Variants in PUSL1 observed in about 807,000 individuals in gnomAD.
The protein encoded by PUSL1 is pseudouridine synthase like 1, also known as tRNA pseudouridine synthase-like 1.
PUSL1 carries 51 observed loss-of-function variants against 30.7 expected under a neutral mutation model. The ratio of observed to expected loss-of-function variants is 1.66; its 90% CI spans 1.33 to 2.10. The LOEUF is 2.10. Among genes scored for constraint, PUSL1 ranks in the 30% most tolerant of loss-of-function variants. PUSL1 has a pLI of 0.00. For synonymous variants in PUSL1, 290 were observed against 192.1 expected, an observed-to-expected ratio of 1.51 and a Z score of -4.21; for missense variants, 609 against 427.6, an observed-to-expected ratio of 1.42 and a Z score of -3.74.
chr1:1,309,328 G>A (rs1641957214), intron 3 of PUSL1, 55 bp downstream of exon 3: 7 of 1,447,110 alleles, frequency 4.8e-6, no homozygotes, highest in Middle Eastern at 2.0e-4. Flanking sequence ...TCCATCTGTC[G>A]CGGGCGGAGG....
chr1:1,309,840 C>A lies in PUSL1; in HGVS notation c.633C>A (p.Pro211=), dbSNP rs562137028. The A allele has an allele frequency of 1.3e-6, 2 of 1,524,782 alleles. No individual in the cohort carries two copies. The highest frequency in any genetic ancestry group is 4.1e-5 in the Admixed American group (2 of 48,640). 94.5% of individuals were successfully genotyped at this position (1,524,782 alleles called of 1,614,324 possible). ...SPGQASPLVT[P]EESRKLRFWN... The stretch of plus-strand genomic sequence containing the variant: ...GCCAAGCCAGCCCCTTGGTCACCCC[C>A]GAGGAGAGCAGGTGAGGAAGGGCCC... The change falls in exon 5 of 8, where the codon CCC becomes CCA. Residue 211 remains proline (P), a synonymous_variant. Transcript: ENST00000379031.
intron 5 of PUSL1, chr1:1,310,169 C>G (rs1213337275): frequency 9.8e-6 from 4 of 406,584 alleles, no homozygotes; most frequent in Non-Finnish European, 4.4e-6. Flanking sequence ...CTGCTGCCCC[C>G]AGCACTGTCC....
chr1:1,311,370 C>T lies in PUSL1; in HGVS notation c.903C>T (p.Ser301=), dbSNP rs1642141843. The T allele has an allele frequency of 2.5e-6, 4 of 1,598,186 alleles. No homozygotes were observed. Among genetic ancestry groups the T allele is most frequent in the Admixed American group, 1.7e-5 (1 of 59,098 alleles). ...SCTLQGPQFG[S]HG ...CCCTGCAGGGGCCACAGTTCGGGAGCCACGGATGACCCTGGACACTCAAGC... is the reference window on the plus strand; with the variant it reads ...CCCTGCAGGGGCCACAGTTCGGGAGTCACGGATGACCCTGGACACTCAAGC... The change falls in exon 8 of 8, where the codon AGC becomes AGT. Residue 301 remains serine, a synonymous_variant. Transcript: ENST00000379031.
intron 2 of PUSL1, 26 bp downstream of exon 2, chr1:1,308,998 C>G (rs1641928842): frequency 7.2e-7 from 1 of 1,395,290 alleles, no homozygotes; most frequent in Non-Finnish European, 9.3e-7. Context: ...CACGGGACGC[C>G]CGGTGAGGGG....
At chr1:1,311,167 A>C in intron 7 of PUSL1, 96 bp downstream of exon 7, 1 of 1,485,440 alleles carries the variant, frequency 6.7e-7, no homozygotes, top group East Asian at 2.3e-5. Context: ...GACGGCAGCA[A>C]CTGGGGGTGA....
intron 6 of PUSL1, 67 bp downstream of exon 6, chr1:1,310,755 T>TGGCTCTGGGTCGTGGGC (rs758454092): frequency 1.9e-6 from 3 of 1,601,704 alleles, no homozygotes; most frequent in East Asian, 2.2e-5. Flanking sequence ...TGTGCAGTCT[T>TGGCTCTGGGTCGTGGGC]GGCTCTGGGT....
At chr1:1,309,405 C>T (rs761544144) in intron 3 of PUSL1, 49 bp from the exon 4 acceptor site, 4 of 1,533,832 alleles carry the variant, frequency 2.6e-6, no homozygotes, top group Admixed American at 1.9e-5. Flanking sequence ...AATGTGACAC[C>T]GCGGGCGGGC....
chr1:1,309,769 G>C lies in PUSL1; in HGVS notation c.562G>C (p.Val188Leu). The change falls in exon 5 of 8, where the codon GTG becomes CTG. Residue 188 changes from valine (V) to leucine (L), a missense_variant. Transcript: ENST00000379031. ...CGCCTTCCAGTCCGCTGGCAGCCCG[G>C]TGCCGAGCCCCGTGCGAACGCTGCG... ...FSAFQSAGSP[V>L]PSPVRTLRRV... The C allele has an allele frequency of 6.4e-7, 1 of 1,574,648 alleles. No individual in the cohort carries two copies. The highest frequency in any genetic ancestry group is 2.3e-5 in the East Asian group (1 of 42,558).
In PUSL1 at chr1:1,309,198, G is replaced by C. The variant is rs1235180787; in HGVS notation, c.248G>C (p.Arg83Pro). Reference sequence around the variant, plus strand: ...GCGGCGCACCTGGACGTCCAGCGCCGCTCAGGCCGGCCGCCCTTCCCGCCC... The same window carrying C: ...GCGGCGCACCTGGACGTCCAGCGCCCCTCAGGCCGGCCGCCCTTCCCGCCC... Reference protein sequence around the residue: ...SNAAHLDVQRRSGRPPFPPEV... With the variant: ...SNAAHLDVQRPSGRPPFPPEV... The change falls in exon 3 of 8, where the codon CGC becomes CCC. Residue 83 changes from arginine to proline, a missense_variant. Coordinates refer to ENST00000379031, the MANE Select transcript of PUSL1 (RefSeq NM_153339.3). 6.5e-7 allele frequency: 1 copy of C among 1,530,420 alleles called. No individual in the cohort carries two copies. Among genetic ancestry groups the C allele is most frequent in the African/African-American group, 1.4e-5 (1 of 72,604 alleles). The allele number at this position is 1,530,420 out of a possible 1,614,324, so 94.8% of individuals were successfully genotyped here.
Position 1,310,873 on chromosome 1 carries a change from GGGCGGCTCTGGGTCACA to G in PUSL1, c.700-33_700-17del. 1.2e-6 allele frequency: 2 copies of G among 1,605,490 alleles called. No homozygotes were observed. The highest frequency in any genetic ancestry group is 8.5e-7 in the Non-Finnish European group (1 of 1,175,608). Reference sequence around the variant, plus strand: ...GATGACGGCTGTGCTGGTGGGTCACGGGCGGCTCTGGGTCACAGGTGGCTCTGGGTCACAGGTACGGA... The same window carrying G: ...GATGACGGCTGTGCTGGTGGGTCACGGGTGGCTCTGGGTCACAGGTACGGA... On this transcript the variant is annotated intron_variant, in intron 6 of 7. Coordinates refer to ENST00000379031, the MANE Select transcript of PUSL1 (RefSeq NM_153339.3).
At position 1,309,441 on chromosome 1, in the gene PUSL1, C is replaced by T. The variant is rs762939362; in HGVS notation, c.324-13C>T. The T allele has an allele frequency of 8.2e-6, 13 of 1,587,564 alleles. No individual in the cohort carries two copies. The highest frequency in any genetic ancestry group is 2.0e-4 in the Middle Eastern group (1 of 5,012). ...GGGGTCGTTCCTCCGGTGAGCTTTA[C>T]CTGCCGCCATAGGGTCCTGCGGGCC... On this transcript the variant is annotated splice_polypyrimidine_tract_variant and intron_variant, in intron 3 of 7. Transcript: ENST00000379031.
chr1:1,309,886 C>T (rs1416270869), intron 5 of PUSL1, 35 bp downstream of exon 5: 3 of 1,438,020 alleles, frequency 2.1e-6, no homozygotes, highest in Non-Finnish European at 9.3e-7. Flanking sequence ...GCCCTGCCCT[C>T]AAGTCACGTG....
rs757927920 is a variant in PUSL1 at position 1,311,061 on chromosome 1, C to A, written c.852C>A (p.Tyr284Ter). Residue 284 changes from tyrosine (Y) to a stop codon, truncating the protein, a stop_gained, in exon 7 of 8, where the codon TAC (tyrosine) becomes TAA (stop). Transcript: ENST00000379031. LOFTEE classifies it low-confidence loss of function (END_TRUNC). ...GCTTATTCCTCAAGTCAGTGCTGTACGGGAACCTCGGTAAGAAAAACAGGC... is the reference window on the plus strand; with the variant it reads ...GCTTATTCCTCAAGTCAGTGCTGTAAGGGAACCTCGGTAAGAAAAACAGGC... Reference protein sequence around the residue: ...AHGLFLKSVLYGNLGAASCTL... With the variant: ...AHGLFLKSVL The A allele has an allele frequency of 6.3e-7, 1 of 1,598,988 alleles. No individual in the cohort carries two copies. The highest frequency in any genetic ancestry group is 8.6e-7 in the Non-Finnish European group (1 of 1,169,296).
Position 1,309,261 on chromosome 1 carries a change from A to C in PUSL1, c.311A>C (p.His104Pro). 1 of 1,485,954 alleles carries C rather than the reference A, an allele frequency of 6.7e-7. No homozygotes were observed. Among genetic ancestry groups the C allele is most frequent in the East Asian group, 2.4e-5 (1 of 41,916 alleles). 92.0% of individuals were successfully genotyped at this position (1,485,954 alleles called of 1,614,324 possible). A position where few individuals can be genotyped will look rare whatever the true frequency, so the allele number is the denominator to read the frequency against. ...GAGGCCCTCAACACACACCTGCGGC[A>C]CCCGGCCATCAGGTGAGCCCGCGAC... is the stretch of plus-strand genomic sequence containing the variant. ...LAEALNTHLR[H>P]PAIRVLRAFR... Residue 104 changes from histidine to proline, a missense_variant, in exon 3 of 8, where the codon CAC becomes CCC. By Grantham distance (77) the His-to-Pro change is moderately conservative. Coordinates refer to ENST00000379031, the MANE Select transcript of PUSL1 (RefSeq NM_153339.3).
At position 1,311,011 on chromosome 1, in the gene PUSL1, C is replaced by T; in HGVS notation, c.802C>T (p.Gln268Ter). 2 of 1,612,838 alleles carry T rather than the reference C, an allele frequency of 1.2e-6. No homozygotes were observed. Among genetic ancestry groups the T allele is most frequent in the South Asian group, 1.1e-5 (1 of 91,078 alleles). Reference protein sequence around the residue: ...LESQDPLGKHQTRVAPAHGLF... With the variant: ...LESQDPLGKH ...GAGCCAAGATCCCCTGGGCAAGCAC[C>T]AGACACGTGTAGCCCCAGCCCACGG... is the stretch of plus-strand genomic sequence containing the variant. Residue 268 changes from glutamine (Q) to a stop codon, truncating the protein, a stop_gained, in exon 7 of 8, where the codon CAG becomes TAG. Transcript: ENST00000379031. LOFTEE classifies it high-confidence loss of function.
At position 1,309,078 on chromosome 1, in the gene PUSL1, T is replaced by C. The variant is rs1641935959; in HGVS notation, c.136-8T>C. On this transcript the variant is annotated splice_region_variant and splice_polypyrimidine_tract_variant and intron_variant, in intron 2 of 7. Coordinates refer to ENST00000379031, the MANE Select transcript of PUSL1 (RefSeq NM_153339.3). Reference sequence around the variant, plus strand: ...CTCACCCGCCCGCCCCGCGGCTCGGTCCTGCAGGAGGCCGCCGAGCGGCTG... The same window carrying C: ...CTCACCCGCCCGCCCCGCGGCTCGGCCCTGCAGGAGGCCGCCGAGCGGCTG... 1 of 1,472,732 alleles carries C rather than the reference T, an allele frequency of 6.8e-7. No homozygotes were observed. Among genetic ancestry groups the C allele is most frequent in the Non-Finnish European group, 8.9e-7 (1 of 1,121,402 alleles). The allele number at this position is 1,472,732 out of a possible 1,614,324, so 91.2% of individuals were successfully genotyped here.
chr1:1,310,112 C>T (rs917722243), intron 5 of PUSL1: 17 of 506,138 alleles, frequency 3.4e-5, no homozygotes, highest in African/African-American at 3.3e-4. Flanking sequence ...ATGTTGGCAG[C>T]TACTGGAAAG....
chr1:1,309,547 C>A lies in PUSL1; in HGVS notation c.417C>A (p.His139Gln). The change falls in exon 4 of 8, where the codon CAC (histidine) becomes CAA (glutamine). Residue 139 changes from histidine (H) to glutamine (Q), a missense_variant. Coordinates refer to ENST00000379031, the MANE Select transcript of PUSL1 (RefSeq NM_153339.3). ...TYLYRLATGCHRRDELPVFER... is the reference protein window; with the variant it reads ...TYLYRLATGCQRRDELPVFER... ...TGTACCGCCTGGCCACTGGCTGTCACCGGCGTGATGAGCTGCCGGTGTTTG... is the reference window on the plus strand; with the variant it reads ...TGTACCGCCTGGCCACTGGCTGTCAACGGCGTGATGAGCTGCCGGTGTTTG... 1 of 1,611,372 alleles carries A rather than the reference C, an allele frequency of 6.2e-7. No homozygotes were observed. Among genetic ancestry groups the A allele is most frequent in the Non-Finnish European group, 8.5e-7 (1 of 1,179,554 alleles).
rs746305517 is a variant in PUSL1, at chr1:1,309,209, C to G, written c.259C>G (p.Pro87Ala). ...GGACGTCCAGCGCCGCTCAGGCCGG[C>G]CGCCCTTCCCGCCCGAGGTCCTGGC... ...HLDVQRRSGR[P>A]PFPPEVLAEA... Residue 87 changes from proline (P) to alanine (A), a missense_variant, in exon 3 of 8, where the codon CCG becomes GCG. Physicochemically the swap from Pro to Ala is conservative, Grantham distance 27. Coordinates refer to ENST00000379031, the MANE Select transcript of PUSL1 (RefSeq NM_153339.3). 5.9e-6 allele frequency: 9 copies of G among 1,522,428 alleles called. No individual in the cohort carries two copies. The highest frequency in any genetic ancestry group is 1.2e-5 in the South Asian group (1 of 80,214). The allele number at this position is 1,522,428 out of a possible 1,614,324, so 94.3% of individuals were successfully genotyped here.
Sources: allele counts gnomAD v4.1 joint callset, GRCh38; gene constraint gnomAD v4.1.1; transcripts MANE v1.5; gene names NCBI Gene and HGNC (gene_info 2026-07-23, HGNC 2026-07-21).